MAST4: variants seen among roughly 807,000 people sequenced by gnomAD.
The protein encoded by MAST4 is microtubule associated serine/threonine kinase family member 4, also known as microtubule-associated serine/threonine-protein kinase 4.
MAST4 carries 89 observed loss-of-function variants against 162.7 expected under a neutral mutation model. The ratio of observed to expected loss-of-function variants is 0.55; its 90% CI spans 0.46 to 0.65. The LOEUF is 0.65. MAST4 is among the 30% of genes least tolerant of loss of function. MAST4 has a pLI of 0.00. For synonymous variants in MAST4, 1,479 were observed against 1,361.1 expected (o/e 1.09, Z -1.91); for missense variants, 3,153 against 3,374.0 (o/e 0.93, Z 1.62).
chr5:67,043,942 A>G (rs1326267929), intron 4 of MAST4, among the ~76,000 whole-genome samples: 4 of 152,138 alleles, frequency 2.6e-5, no homozygotes, highest in African/African-American at 9.7e-5. Context: ...TCCCCATGTT[A>G]TAAAACTGGC....
chr5:66,870,502 G>T (rs1760849706), intron 3 of MAST4, among the ~76,000 whole-genome samples: 1 of 152,180 alleles, frequency 6.6e-6, no homozygotes, highest in Non-Finnish European at 1.5e-5. Context: ...GGAAAATGTA[G>T]ATTTGATGGG....
intron 2 of MAST4, among the ~76,000 whole-genome samples, chr5:66,781,925 T>G (rs1754888408): frequency 6.6e-6 from 1 of 152,190 alleles, no homozygotes; most frequent in South Asian, 2.1e-4. Context: ...GCCATTCTGC[T>G]AAAATTATTG....
At chr5:67,045,033 T>G (rs1051474870) in intron 4 of MAST4, among the ~76,000 whole-genome samples, 1 of 152,232 alleles carries the variant, frequency 6.6e-6, no homozygotes, top group African/African-American at 2.4e-5. Flanking sequence ...CTATATTATG[T>G]CATTTTAAAT....
At chr5:66,957,147 T>C (rs1447792258) in intron 4 of MAST4, among the ~76,000 whole-genome samples, 1 of 152,208 alleles carries the variant, frequency 6.6e-6, no homozygotes, top group African/African-American at 2.4e-5. Context: ...AATATTCTAA[T>C]GTGTTTCCTG....
intron 4 of MAST4, among the ~76,000 whole-genome samples, chr5:66,947,464 A>C (rs1477634195): frequency 6.6e-6 from 1 of 152,148 alleles, no homozygotes; most frequent in Non-Finnish European, 1.5e-5. Flanking sequence ...TCACAGTGTA[A>C]TGGGTTAACA....
chr5:67,147,508 C>T (rs1437984026), intron 23 of MAST4, among the ~76,000 whole-genome samples: 4 of 152,228 alleles, frequency 2.6e-5, no homozygotes, highest in Non-Finnish European at 5.9e-5. Context: ...CAACTTTATA[C>T]ATGTTTCTCT....
At chr5:66,967,763 AATAT>A (rs147713350) in intron 4 of MAST4, among the ~76,000 whole-genome samples, 13 of 147,916 alleles carry the variant, frequency 8.8e-5, no homozygotes, top group Middle Eastern at 3.5e-3. Flanking sequence ...CTACAAACTA[AATAT>A]ATATATATAT....
Position 66,626,233 on chromosome 5 carries a change from A to G in MAST4, c.363+29215A>G, listed in dbSNP as rs181856201. Among the ~76,000 whole-genome samples the G allele has an allele frequency of 1.1e-4, 16 of 152,302 alleles. No homozygotes were observed. In the East Asian group the frequency reaches 2.9e-3, roughly 28 times the overall value. ...TTTTATTATATACTTAGAATTTGCT[A>G]AAAGGGTAGATCTTAAATCTTCTCA... On this transcript the variant is annotated intron_variant, in intron 1 of 28. Coordinates refer to ENST00000403625, the MANE Select transcript of MAST4 (RefSeq NM_001164664.2).
intron 1 of MAST4, among the ~76,000 whole-genome samples, chr5:66,637,295 A>G (rs1745185915): frequency 6.6e-6 from 1 of 150,768 alleles, no homozygotes; most frequent in Admixed American, 6.6e-5. Flanking sequence ...ATACTTTCAC[A>G]TAAGTATTCC....
At chr5:66,920,301 AC>A in intron 4 of MAST4, among the ~76,000 whole-genome samples, 1 of 152,122 alleles carries the variant, frequency 6.6e-6, no homozygotes, top group Non-Finnish European at 1.5e-5. Flanking sequence ...ATCAAAATTG[AC>A]AGAGTTGATA....
rs758481172 is a variant in MAST4 at position 67,160,597 on chromosome 5, G to T, written c.3785+5G>T. The T allele has an allele frequency of 3.4e-5, 55 of 1,612,288 alleles. No homozygotes were observed. Among genetic ancestry groups the T allele is most frequent in the Non-Finnish European group, 4.6e-5 (54 of 1,179,372 alleles). On this transcript the variant is annotated splice_donor_5th_base_variant and intron_variant, in intron 27 of 28. Coordinates refer to ENST00000403625, the MANE Select transcript of MAST4 (RefSeq NM_001164664.2). ...GAAGAAAGAAAGTCTCGAAAGGTTA[G>T]TAAAATCAGTATTCTTTTTAAGTTT... is the stretch of plus-strand genomic sequence containing the variant.
intron 5 of MAST4, among the ~76,000 whole-genome samples, chr5:67,084,267 T>C (rs1030706569): frequency 6.6e-6 from 1 of 152,226 alleles, no homozygotes; most frequent in Non-Finnish European, 1.5e-5. Flanking sequence ...GTACATTTTC[T>C]GTATACTGTT....
chr5:66,704,613 G>A lies in MAST4; in HGVS notation c.364-55096G>A, dbSNP rs184314952. 1.7e-3 allele frequency among the ~76,000 whole-genome samples: 245 copies of A among 143,242 alleles called. 1 individual carries two copies. The highest frequency in any genetic ancestry group is 1.2e-3 in the Non-Finnish European group (77 of 66,760). The allele number at this position is 143,242 out of a possible 152,430, so 94.0% of individuals were successfully genotyped here. On this transcript the variant is annotated intron_variant, in intron 1 of 28. Coordinates refer to ENST00000403625, the MANE Select transcript of MAST4 (RefSeq NM_001164664.2). ...CCTCCCGGGTTCACGCCATTCTCCC[G>A]CCTCAGCCTCCTGAGCAGCTGGTAC... is the stretch of plus-strand genomic sequence containing the variant.
intron 4 of MAST4, among the ~76,000 whole-genome samples, chr5:66,971,815 A>T (rs1240075590): frequency 2.0e-5 from 3 of 152,074 alleles, no homozygotes; most frequent in Non-Finnish European, 4.4e-5. Flanking sequence ...TTTCTTTGTG[A>T]CAGGAGAAAA....
chr5:66,973,489 T>A (rs1276761549), intron 4 of MAST4, among the ~76,000 whole-genome samples: 1 of 152,180 alleles, frequency 6.6e-6, no homozygotes, highest in Non-Finnish European at 1.5e-5. Flanking sequence ...GTTAAACATA[T>A]TTGCCAAGAA....
intron 1 of MAST4, among the ~76,000 whole-genome samples, chr5:66,619,799 T>C (rs988292310): frequency 6.6e-6 from 1 of 151,886 alleles, no homozygotes; most frequent in African/African-American, 2.4e-5. Flanking sequence ...ATTTAATTTT[T>C]AAAAAAAATT....
At chr5:66,625,041 T>C (rs1017491138) in intron 1 of MAST4, among the ~76,000 whole-genome samples, 4 of 152,210 alleles carry the variant, frequency 2.6e-5, no homozygotes, top group Non-Finnish European at 4.4e-5. Context: ...GAAGTGTTAT[T>C]TTTTTGTACA....
intron 3 of MAST4, among the ~76,000 whole-genome samples, chr5:66,813,880 T>C (rs558564698): frequency 7.9e-5 from 12 of 152,336 alleles, no homozygotes; most frequent in South Asian, 6.2e-4. Flanking sequence ...AAGAATTGCA[T>C]GCTGCACTCT....
At chr5:66,726,187 C>A (rs895241959) in intron 1 of MAST4, among the ~76,000 whole-genome samples, 11 of 151,954 alleles carry the variant, frequency 7.2e-5, no homozygotes, top group African/African-American at 2.7e-4. Flanking sequence ...GAGGGTCTCA[C>A]TGAAGTGATG....
Sources: gnomAD v4.1 joint callset for allele counts (sites outside exome capture counted in the v4.1 genomes callset) on GRCh38, gnomAD v4.1.1 for gene constraint, MANE v1.5 for transcripts, NCBI Gene and HGNC (gene_info 2026-07-23, HGNC 2026-07-21) for gene names.